Variants in SLC5A11 observed in about 807,000 individuals in gnomAD.
SLC5A11 encodes sodium/myo-inositol cotransporter 2.
A neutral mutation model predicts 69.8 loss-of-function variants in SLC5A11; 48 were observed. That is an observed-to-expected ratio of 0.69 (90% CI 0.55 to 0.87). SLC5A11 has a LOEUF of 0.87. SLC5A11 is among the 40% of genes least tolerant of loss of function. The probability of loss-of-function intolerance (pLI) is 0.00; values close to 1 mark genes in which losing one functional copy is unlikely to be tolerated. For missense variants in SLC5A11, 784 were observed against 866.1 expected (o/e 0.91, Z 1.19); for synonymous variants, 319 against 342.4 (o/e 0.93, Z 0.75).
chr16:24,871,428 GC>G (rs1295799254), intron 4 of SLC5A11, among the ~76,000 whole-genome samples: 1 of 152,010 alleles, frequency 6.6e-6, no homozygotes, highest in Non-Finnish European at 1.5e-5. Flanking sequence ...ACGCCACCAT[GC>G]CTAGCTAATT....
At chr16:24,869,708 G>A (rs754450573) in intron 3 of SLC5A11, among the ~76,000 whole-genome samples, 193 bp from the exon 5 acceptor site, 7 of 152,204 alleles carry the variant, frequency 4.6e-5, no homozygotes, top group Non-Finnish European at 8.8e-5. Context: ...TGACAGGTGG[G>A]CTCTGACCAA....
chr16:24,906,023 G>A (rs12443852), intron 10 of SLC5A11, among the ~76,000 whole-genome samples: 95,172 of 151,930 alleles, frequency 0.63, 30,500 homozygotes, highest in Non-Finnish European at 0.69. Flanking sequence ...AGGGTGTGAA[G>A]CATTCTGACA....
At chr16:24,879,218 G>A (rs1426421032) in intron 7 of SLC5A11, among the ~76,000 whole-genome samples, 4 of 150,450 alleles carry the variant, frequency 2.7e-5, no homozygotes, top group South Asian at 2.1e-4. Context: ...TTTCACCTTC[G>A]ACTTTGATTT....
rs2050094832 is a variant in SLC5A11 at position 24,906,757 on chromosome 16, GCCCACAGGTAATGT to G, written c.1111_1114+10del. On this transcript the variant is annotated splice_donor_variant and splice_donor_5th_base_variant and coding_sequence_variant and intron_variant, in exon 11 of 16. Coordinates refer to ENST00000347898, the Ensembl canonical transcript of SLC5A11. LOFTEE classifies it high-confidence loss of function. ...ATCCCAAACTCGTGCTGGAACTCCT[GCCCACAGGTAATGT>G]CCCTTCACTCCTGAATCAAGTCCCC... 1 of 1,611,800 alleles carries G rather than the reference GCCCACAGGTAATGT, an allele frequency of 6.2e-7. No homozygotes were observed. The highest frequency in any genetic ancestry group is 1.1e-5 in the South Asian group (1 of 90,788).
Position 24,872,281 on chromosome 16 carries a change from C to A in SLC5A11, c.372+62C>A, listed in dbSNP as rs567852941. 79 of 1,572,054 alleles carry A rather than the reference C, an allele frequency of 5.0e-5. No homozygotes were observed. In the African/African-American group the frequency reaches 9.4e-4, roughly 19 times the overall value. Reference sequence around the variant, plus strand: ...AGATGCTTTGGGAATCTCAGCCCTGCAGTCCCTCCCTCATCCCGCCATCCC... The same window carrying A: ...AGATGCTTTGGGAATCTCAGCCCTGAAGTCCCTCCCTCATCCCGCCATCCC... On this transcript the variant is annotated intron_variant, in intron 5 of 15. Transcript: ENST00000347898.
chr16:24,872,156 G>A lies in SLC5A11; in HGVS notation c.313-4G>A. ...CCAAGTCCTGACTGTGTTTTCTTGAGCAGGGCTTGTTTTCTGTGCTGATGT... is the reference window on the plus strand; with the variant it reads ...CCAAGTCCTGACTGTGTTTTCTTGAACAGGGCTTGTTTTCTGTGCTGATGT... On this transcript the variant is annotated splice_polypyrimidine_tract_variant and splice_region_variant and intron_variant, in intron 4 of 15. Transcript: ENST00000347898. 5 of 1,614,130 alleles carry A rather than the reference G, an allele frequency of 3.1e-6. No homozygotes were observed. Among genetic ancestry groups the A allele is most frequent in the Non-Finnish European group, 4.2e-6 (5 of 1,180,038 alleles).
chr16:24,868,455 C>T (rs182021805), intron 3 of SLC5A11, among the ~76,000 whole-genome samples: 5,977 of 150,680 alleles, frequency 0.04, 160 homozygotes, highest in Middle Eastern at 0.092. Flanking sequence ...AAAAATTAGC[C>T]GGGCGTGGTG....
intron 3 of SLC5A11, among the ~76,000 whole-genome samples, chr16:24,866,575 T>TAAAA (rs34838038): frequency 7.9e-6 from 1 of 126,014 alleles, no homozygotes; most frequent in African/African-American, 3.0e-5. Context: ...AGATCCTGTC[T>TAAAA]AAAAAAAAAA....
In SLC5A11 at chr16:24,873,247, G is replaced by GAGGAAGAA. The variant is rs1555524249; in HGVS notation, c.372+1034_372+1035insAAAGGAAG. ...AAAGGAAGGAATGGAGAGAGGGAGG[G>GAGGAAGAA]AGGAAGGAAGGAAGGAAGGAAGGAA... On this transcript the variant is annotated intron_variant, in intron 5 of 15. Transcript: ENST00000347898. 9.3e-3 allele frequency among the ~76,000 whole-genome samples: 947 copies of GAGGAAGAA among 101,488 alleles called. 14 individuals carry two copies. Among genetic ancestry groups the GAGGAAGAA allele is most frequent in the South Asian group, 0.016 (38 of 2,324 alleles). 66.6% of individuals were successfully genotyped at this position (101,488 alleles called of 152,430 possible). A position where few individuals can be genotyped will look rare whatever the true frequency, so the allele number is the denominator to read the frequency against.
chr16:24,894,984 G>A (rs1467994139), intron 9 of SLC5A11, among the ~76,000 whole-genome samples: 1 of 152,018 alleles, frequency 6.6e-6, no homozygotes, highest in Admixed American at 6.6e-5. Context: ...TAATAGCTGG[G>A]TGTGGTGGTG....
At chr16:24,909,767 T>A (rs1415564619) in intron 14 of SLC5A11, among the ~76,000 whole-genome samples, 2 of 144,326 alleles carry the variant, frequency 1.4e-5, no homozygotes, top group Non-Finnish European at 3.0e-5. Flanking sequence ...AGTTTAAGGC[T>A]GCAGTGAGCT....
rs869210839 is a variant in SLC5A11 at position 24,896,942 on chromosome 16, C to CTTTTTTTTTT, written c.871-1013_871-1004dup. Among the ~76,000 whole-genome samples the CTTTTTTTTTT allele has an allele frequency of 3.1e-5, 3 of 97,092 alleles. 1 individual carries two copies. Among genetic ancestry groups the CTTTTTTTTTT allele is most frequent in the Non-Finnish European group, 1.9e-5 (1 of 52,668 alleles). The allele number at this position is 97,092 out of a possible 152,430, so 63.7% of individuals were successfully genotyped here. ...CACCAGGAGTTAGACAACCTCCTTC[C>CTTTTTTTTTT]TTTTTTTTTTTTTTTTTTTTTTTTT... On this transcript the variant is annotated intron_variant, in intron 9 of 15. Coordinates refer to ENST00000347898, the Ensembl canonical transcript of SLC5A11.
At chr16:24,887,186 C>T (rs906337671) in intron 8 of SLC5A11, among the ~76,000 whole-genome samples, 5 of 152,016 alleles carry the variant, frequency 3.3e-5, no homozygotes, top group African/African-American at 1.2e-4. Flanking sequence ...CATGCAAAGA[C>T]TTAGTAAAGG....
At chr16:24,858,726 A>G (rs1370741549) in exon 2 of SLC5A11, 2 of 1,611,954 alleles carry the variant, frequency 1.2e-6, no homozygotes, top group South Asian at 1.1e-5. Flanking sequence ...GAGCCTGGGG[A>G]CATCGCGGTG....
intron 10 of SLC5A11, among the ~76,000 whole-genome samples, chr16:24,906,166 C>T (rs920754369): frequency 2.0e-5 from 3 of 151,894 alleles, no homozygotes; most frequent in African/African-American, 7.3e-5. Context: ...CATGGCAAAA[C>T]CCCATCTCTA....
At chr16:24,861,093 A>G (rs8062004) in intron 2 of SLC5A11, among the ~76,000 whole-genome samples, 24,220 of 152,170 alleles carry the variant, frequency 0.16, 2,048 homozygotes, top group Non-Finnish European at 0.19. Flanking sequence ...CTTTATGTGA[A>G]CTATGGCTTC....
intron 3 of SLC5A11, among the ~76,000 whole-genome samples, chr16:24,866,561 A>G (rs1309100902): frequency 6.6e-6 from 1 of 150,504 alleles, no homozygotes; most frequent in Non-Finnish European, 1.5e-5. Flanking sequence ...CCTGGGCAAC[A>G]GTGAGATCCT....
chr16:24,911,596 GA>G, exon 16 of SLC5A11: 3 of 1,505,064 alleles, frequency 2.0e-6, no homozygotes, highest in Non-Finnish European at 2.7e-6. Context: ...TTTAATGAAA[GA>G]AAAAATAATA....
At chr16:24,890,947 G>C in exon 9 of SLC5A11, 1 of 1,614,200 alleles carries the variant, frequency 6.2e-7, no homozygotes, top group Non-Finnish European at 8.5e-7. Context: ...AGTGAGAACA[G>C]CAGCTGCGGG....
Sources: allele counts gnomAD v4.1 joint callset (sites outside exome capture counted in the v4.1 genomes callset), GRCh38; gene constraint gnomAD v4.1.1; transcripts MANE v1.5; gene names NCBI Gene and HGNC (gene_info 2026-07-23, HGNC 2026-07-21).